ABL1: variants seen among roughly 807,000 people sequenced by gnomAD.
ABL1 encodes the protein tyrosine-protein kinase ABL1.
ABL1 carries 11 observed loss-of-function variants against 94.7 expected under a neutral mutation model. That is an observed-to-expected ratio of 0.12 (90% confidence interval 0.07 to 0.19). The LOEUF (loss-of-function observed/expected upper bound fraction) is 0.19, where lower values mean the gene tolerates loss of function less well. Among genes scored for constraint, ABL1 ranks in the 10% least tolerant of loss-of-function variants. The probability of loss-of-function intolerance (pLI) is 1.00; values close to 1 mark genes in which losing one functional copy is unlikely to be tolerated. For missense variants in ABL1, 1,082 were observed against 1,489.4 expected (o/e 0.73, Z 4.50); for synonymous variants, 656 against 622.4 (o/e 1.05, Z -0.80).
intron 1 of ABL1, among the ~76,000 whole-genome samples, chr9:130,761,421 C>T (rs4740203): frequency 0.27 from 40,470 of 152,120 alleles, 7,670 homozygotes; most frequent in East Asian, 0.52. Context: ...TGAAGCCTCC[C>T]ATGGTCTTTT....
At chr9:130,762,780 G>A (rs574941907) in intron 1 of ABL1, among the ~76,000 whole-genome samples, 10 of 151,794 alleles carry the variant, frequency 6.6e-5, no homozygotes, top group Admixed American at 3.9e-4. Context: ...GTGTGGTAGC[G>A]GGTGCCTGTA....
At chr9:130,789,631 G>A (rs936665121) in intron 1 of ABL1, among the ~76,000 whole-genome samples, 1 of 152,068 alleles carries the variant, frequency 6.6e-6, no homozygotes, top group Non-Finnish European at 1.5e-5. Flanking sequence ...ATTGAATATA[G>A]ACTATAAGTT....
At position 130,808,197 on chromosome 9, in the gene ABL1, C is replaced by A. The variant is rs1176679193; in HGVS notation, c.137-45867C>A. Among the ~76,000 whole-genome samples, 9 of 150,934 alleles carry A rather than the reference C, an allele frequency of 6.0e-5. No individual in the cohort carries two copies. The East Asian group carries it at 1.7e-3, about 29-fold the overall frequency. On this transcript the variant is annotated intron_variant, in intron 1 of 10. Coordinates refer to the ABL1 transcript ENST00000372348. ...TGTTAACCCGGTATTGCTGTGACAA[C>A]CTTTATCCTAATTTCTTTTCTTCTT...
rs1831265311 is a variant in ABL1, at chr9:130,872,312, C to T, written c.907+99C>T. 9.0e-6 allele frequency: 10 copies of T among 1,111,272 alleles called. No individual in the cohort carries two copies. The highest frequency in any genetic ancestry group is 5.6e-5 in the South Asian group (4 of 71,970). 68.8% of individuals were successfully genotyped at this position (1,111,272 alleles called of 1,614,324 possible). ...GCACGGGCGGCTCACTGCACAAAAC[C>T]TCGTTGGAATATTTGTGCTCTGCCG... On this transcript the variant is annotated intron_variant, in intron 5 of 10. Transcript: ENST00000318560. The surrounding 1 kb of genome is among the most constrained non-coding windows in gnomAD (Gnocchi z 5.0).
chr9:130,799,221 A>G (rs77385680), intron 1 of ABL1, among the ~76,000 whole-genome samples: 98 of 152,320 alleles, frequency 6.4e-4, no homozygotes, highest in African/African-American at 2.0e-3. Flanking sequence ...GTTTGCACCC[A>G]TCGGAGATGC....
At chr9:130,810,213 T>A (rs1830189114) in intron 1 of ABL1, among the ~76,000 whole-genome samples, 1 of 152,096 alleles carries the variant, frequency 6.6e-6, no homozygotes, top group Non-Finnish European at 1.5e-5. Context: ...TGAAAGATGA[T>A]GGCTGGGCAT....
chr9:130,746,296 T>G (rs1214685413), intron 1 of ABL1, among the ~76,000 whole-genome samples: 1 of 152,116 alleles, frequency 6.6e-6, no homozygotes. Context: ...TTTTTAAATT[T>G]TATTTTTAAA....
intron 1 of ABL1, among the ~76,000 whole-genome samples, chr9:130,763,839 T>C (rs866748599): frequency 1.3e-5 from 2 of 152,094 alleles, no homozygotes; most frequent in African/African-American, 2.4e-5. Flanking sequence ...GGGAGGGCAC[T>C]CACTCAGCAA....
chr9:130,802,969 T>A (rs1261457648), intron 1 of ABL1, among the ~76,000 whole-genome samples: 3 of 152,200 alleles, frequency 2.0e-5, no homozygotes, highest in Non-Finnish European at 4.4e-5. Context: ...CAGTCAGGGA[T>A]GTGATTGTAC....
intron 1 of ABL1, among the ~76,000 whole-genome samples, chr9:130,820,354 G>T (rs958187150): frequency 1.3e-5 from 2 of 152,192 alleles, no homozygotes; most frequent in African/African-American, 4.8e-5. Flanking sequence ...GCCATTACTT[G>T]TGAGGGCGTC....
chr9:130,759,063 G>A (rs1435099089), intron 1 of ABL1, among the ~76,000 whole-genome samples: 2 of 152,078 alleles, frequency 1.3e-5, no homozygotes, highest in Non-Finnish European at 2.9e-5. Context: ...ACTTTTTGTC[G>A]CACATCACAA....
At chr9:130,727,234 G>GTTTTTT (rs34579847) in intron 1 of ABL1, among the ~76,000 whole-genome samples, 3 of 141,824 alleles carry the variant, frequency 2.1e-5, no homozygotes, top group Non-Finnish European at 3.1e-5. Flanking sequence ...CTTTGCTGAG[G>GTTTTTT]TTTTTTTTTT....
In ABL1 at chr9:130,765,824, A is replaced by G. The variant is rs549357780; in HGVS notation, c.136+51369A>G. On this transcript the variant is annotated intron_variant, in intron 1 of 10. Transcript: ENST00000372348. The stretch of plus-strand genomic sequence containing the variant: ...TTGAAATTTTGGAAAGTTACTGTGA[A>G]TCTAATGGGGCATAATAGGCAGGTT... 2.6e-5 allele frequency among the ~76,000 whole-genome samples: 4 copies of G among 152,328 alleles called. No individual in the cohort carries two copies. In the East Asian group the frequency reaches 5.8e-4, roughly 22 times the overall value.
At chr9:130,790,227 A>G (rs1829887401) in intron 1 of ABL1, among the ~76,000 whole-genome samples, 1 of 152,248 alleles carries the variant, frequency 6.6e-6, no homozygotes. Flanking sequence ...CTTGAACTCC[A>G]CAGAGCTCTA....
intron 1 of ABL1, among the ~76,000 whole-genome samples, chr9:130,755,350 G>C (rs1832029453): frequency 1.3e-5 from 2 of 152,244 alleles, no homozygotes; most frequent in Middle Eastern, 6.8e-3. Context: ...GACTAGAAAT[G>C]GGGGTGACAT....
intron 1 of ABL1, among the ~76,000 whole-genome samples, chr9:130,773,249 G>C (rs1295173173): frequency 6.6e-6 from 1 of 152,190 alleles, no homozygotes; most frequent in Non-Finnish European, 1.5e-5. Context: ...AACCTGGGAA[G>C]TGGAGGTTGC....
intron 1 of ABL1, chr9:130,714,543 C>G: frequency 6.6e-7 from 1 of 1,506,394 alleles, no homozygotes; most frequent in Middle Eastern, 1.7e-4. Context: ...GTACTTGCGA[C>G]AGTTCCTTCC....
intron 1 of ABL1, among the ~76,000 whole-genome samples, chr9:130,775,800 A>G (rs1832304212): frequency 6.6e-6 from 1 of 152,168 alleles, no homozygotes; most frequent in African/African-American, 2.4e-5. Flanking sequence ...CAAAGACAAA[A>G]ATAAGATCTT....
upstream of ABL1, chr9:130,834,833 G>A (rs1324866225): frequency 1.3e-5 from 6 of 452,442 alleles, no homozygotes; most frequent in Admixed American, 4.8e-5. Flanking sequence ...AATGAGACCA[G>A]TTAGTATTGG....
Sources: gnomAD v4.1 joint callset for allele counts (sites outside exome capture counted in the v4.1 genomes callset) on GRCh38, gnomAD v4.1.1 for gene constraint, Gnocchi (gnomAD v3.1) non-coding constraint, MANE v1.5 for transcripts, NCBI Gene and HGNC (gene_info 2026-07-23, HGNC 2026-07-21) for gene names.